The following DMD variants were observed in gnomAD, a reference collection of about 807,000 sequenced individuals.
The protein encoded by DMD is mutant dystrophin.
In DMD, 63 loss-of-function variants were observed where a neutral mutation model predicts 330.1. That is an observed-to-expected ratio of 0.19 (90% CI 0.16 to 0.24). The LOEUF is 0.24. Among genes scored for constraint, DMD ranks in the 10% least tolerant of loss-of-function variants. The pLI is 1.00. For missense variants in DMD, 3,344 were observed against 2,684.1 expected (o/e 1.25, Z -5.43); for synonymous variants, 1,223 against 959.8 (o/e 1.27, Z -5.07).
chrX:32,619,420 C>T (rs1274986198), intron 11 of DMD, among the ~76,000 whole-genome samples: 1 of 111,102 alleles, frequency 9.0e-6, no homozygotes, highest in Non-Finnish European at 1.9e-5. Context: ...TGAAAATATA[C>T]TCTTGAAAAA....
chrX:32,283,515 C>T (rs534284609), intron 43 of DMD, among the ~76,000 whole-genome samples: 4 of 111,826 alleles, frequency 3.6e-5, no homozygotes, highest in African/African-American at 1.3e-4. Flanking sequence ...CTAAATCTCT[C>T]CAAGGATTCA....
chrX:33,285,309 T>TTGTG (rs35975571), intron 1 of DMD, among the ~76,000 whole-genome samples: 1,442 of 106,742 alleles, frequency 0.014, 28 homozygotes, highest in African/African-American at 0.043. Flanking sequence ...ACGAATTCAT[T>TTGTG]TGTGTGTGTG....
At chrX:31,237,340 A>G (rs1291322231) in intron 63 of DMD, among the ~76,000 whole-genome samples, 2 of 111,981 alleles carry the variant, frequency 1.8e-5, no homozygotes, top group Non-Finnish European at 3.8e-5. Flanking sequence ...CTTTTTGTAT[A>G]CTCTAGCATA....
chrX:32,886,324 A>G (rs1381720052), intron 2 of DMD, among the ~76,000 whole-genome samples: 2 of 110,198 alleles, frequency 1.8e-5, no homozygotes, highest in Non-Finnish European at 3.8e-5. Flanking sequence ...GTAAACTGGT[A>G]AAAAATAATA....
At chrX:33,285,651 G>C (rs2053420831) in intron 1 of DMD, among the ~76,000 whole-genome samples, 1 of 111,931 alleles carries the variant, frequency 8.9e-6, no homozygotes, top group Admixed American at 9.5e-5. Flanking sequence ...TATCATGTTT[G>C]TATTGTGTGA....
chrX:31,740,810 G>A (rs1270860220), intron 51 of DMD, among the ~76,000 whole-genome samples: 3 of 111,598 alleles, frequency 2.7e-5, no homozygotes, highest in South Asian at 3.8e-4. Context: ...AGACAACAAC[G>A]AAGTTTGCTG....
chrX:32,659,332 A>C (rs1171709415), intron 9 of DMD, among the ~76,000 whole-genome samples: 1 of 111,623 alleles, frequency 9.0e-6, no homozygotes, highest in Non-Finnish European at 1.9e-5. Flanking sequence ...CTTATTCCTT[A>C]AACAAAGATG....
At chrX:31,774,941 G>T (rs2090567472) in intron 50 of DMD, among the ~76,000 whole-genome samples, 1 of 111,452 alleles carries the variant, frequency 9.0e-6, no homozygotes. Context: ...CTATGGTAAT[G>T]GTTAAGATGC....
intron 61 of DMD, among the ~76,000 whole-genome samples, chrX:31,346,768 G>A (rs1267554956): frequency 4.6e-5 from 5 of 109,244 alleles, no homozygotes; most frequent in Non-Finnish European, 9.5e-5. Flanking sequence ...GGAGGCCAAG[G>A]CGAGTGGATC....
intron 60 of DMD, among the ~76,000 whole-genome samples, chrX:31,399,093 G>A (rs907094625): frequency 8.1e-5 from 9 of 111,436 alleles, no homozygotes. Context: ...TGGAGGGTCA[G>A]TGTGACAGCC....
intron 2 of DMD, among the ~76,000 whole-genome samples, chrX:32,919,983 AG>A (rs1333702298): frequency 8.9e-6 from 1 of 111,737 alleles, no homozygotes; most frequent in Non-Finnish European, 1.9e-5. Flanking sequence ...GAAAGATTAA[AG>A]CAGTACATAT....
chrX:32,425,469 C>T (rs1443768647), intron 29 of DMD, among the ~76,000 whole-genome samples: 1 of 111,317 alleles, frequency 9.0e-6, no homozygotes, highest in Non-Finnish European at 1.9e-5. Context: ...TTCCCTTATA[C>T]TACAAACATG....
At chrX:32,656,838 A>G (rs1194653926) in intron 9 of DMD, among the ~76,000 whole-genome samples, 1 of 111,838 alleles carries the variant, frequency 8.9e-6, no homozygotes, top group Non-Finnish European at 1.9e-5. Flanking sequence ...TGTGCTTCCA[A>G]TTTCAGGTTT....
intron 1 of DMD, among the ~76,000 whole-genome samples, chrX:33,164,866 C>T (rs1002502084): frequency 1.6e-4 from 18 of 109,892 alleles, no homozygotes; most frequent in African/African-American, 5.0e-4. Context: ...CAAGAAGATA[C>T]TACCAATTAA....
chrX:31,793,176 C>G (rs906095137), intron 50 of DMD, among the ~76,000 whole-genome samples: 4 of 110,667 alleles, frequency 3.6e-5, no homozygotes, highest in Non-Finnish European at 7.6e-5. Context: ...CCAGCTGAGT[C>G]TGGGGTTTTT....
chrX:32,735,973 A>G (rs1252465028), intron 7 of DMD, among the ~76,000 whole-genome samples: 7 of 111,892 alleles, frequency 6.3e-5, no homozygotes, highest in Non-Finnish European at 1.3e-4. Flanking sequence ...ATCAGAGTGA[A>G]CAGGCAACCT....
chrX:31,292,093 C>T (rs2053745553), intron 62 of DMD, among the ~76,000 whole-genome samples: 1 of 110,535 alleles, frequency 9.0e-6, no homozygotes, highest in African/African-American at 3.3e-5. Context: ...AGAATTAACC[C>T]TAAGGAAAAA....
intron 55 of DMD, among the ~76,000 whole-genome samples, chrX:31,611,229 C>A (rs1328492676): frequency 2.7e-5 from 3 of 110,085 alleles, no homozygotes; most frequent in South Asian, 3.9e-4. Flanking sequence ...GAGCTTCTGA[C>A]ACAATGCATT....
intron 44 of DMD, among the ~76,000 whole-genome samples, chrX:32,166,993 G>C (rs2096870788): frequency 8.9e-6 from 1 of 111,796 alleles, no homozygotes; most frequent in Non-Finnish European, 1.9e-5. Context: ...AATACAGATA[G>C]TCCCTAGATT....
Sources: gnomAD v4.1 joint callset for allele counts (sites outside exome capture counted in the v4.1 genomes callset) on GRCh38, gnomAD v4.1.1 for gene constraint, MANE v1.5 for transcripts, NCBI Gene and HGNC (gene_info 2026-07-23, HGNC 2026-07-21) for gene names.